Variants in JAKMIP2 observed in about 807,000 individuals in gnomAD.
JAKMIP2 encodes janus kinase and microtubule interacting protein 2, also known as janus kinase and microtubule-interacting protein 2.
In JAKMIP2, 25 loss-of-function variants were observed where a neutral mutation model predicts 115.0. The observed-to-expected ratio is 0.22, with a 90% CI of 0.16 to 0.30. JAKMIP2 has a LOEUF of 0.30. Ranked by LOEUF, JAKMIP2 falls within the 10% of genes least tolerant of loss-of-function variation. JAKMIP2 has a pLI of 1.00. For synonymous variants in JAKMIP2, 334 were observed against 343.6 expected, an observed-to-expected ratio of 0.97 and a Z score of 0.31; for missense variants, 642 against 957.6, an observed-to-expected ratio of 0.67 and a Z score of 4.35.
chr5:147,643,962 C>T, intron 7 of JAKMIP2, 96 bp downstream of exon 7: 1 of 1,019,098 alleles, frequency 9.8e-7, no homozygotes, highest in East Asian at 2.5e-5. Context: ...ACTTGGGCCT[C>T]TGGGGTTAAA....
chr5:147,716,827 T>A (rs1197653528), intron 1 of JAKMIP2, among the ~76,000 whole-genome samples: 6 of 146,592 alleles, frequency 4.1e-5, no homozygotes, highest in African/African-American at 1.3e-4. Flanking sequence ...TTTCTTTTGC[T>A]GTGCAGAAGC....
chr5:147,603,178 C>G (rs1483114743), intron 20 of JAKMIP2, among the ~76,000 whole-genome samples: 1 of 152,076 alleles, frequency 6.6e-6, no homozygotes, highest in Non-Finnish European at 1.5e-5. Context: ...AGTCAGACAC[C>G]CTGACCTCTG....
At position 147,751,829 on chromosome 5, in the gene JAKMIP2, T is replaced by C. The variant is rs546076389; in HGVS notation, c.-149+30627A>G. On this transcript the variant is annotated intron_variant, in intron 1 of 21. Transcript: ENST00000616793. ...GCCTGCCCTGATGGATGAGGTTCTGTAGGACTGCAGGCTTAAGTGGTGCTG... is the reference window on the plus strand; with the variant it reads ...GCCTGCCCTGATGGATGAGGTTCTGCAGGACTGCAGGCTTAAGTGGTGCTG... Among the ~76,000 whole-genome samples, 526 of 152,302 alleles carry C rather than the reference T, an allele frequency of 3.5e-3. 1 individual carries two copies. The highest frequency in any genetic ancestry group is 5.9e-3 in the Non-Finnish European group (399 of 68,026).
chr5:147,722,828 T>A (rs1256670040), intron 1 of JAKMIP2, among the ~76,000 whole-genome samples: 1 of 152,060 alleles, frequency 6.6e-6, no homozygotes, highest in African/African-American at 2.4e-5. Context: ...TTAAAAAAAT[T>A]AGAGATAGAA....
intron 1 of JAKMIP2, among the ~76,000 whole-genome samples, chr5:147,738,603 AC>A: frequency 6.6e-6 from 1 of 152,034 alleles, no homozygotes. Flanking sequence ...GACTGAAAAT[AC>A]CCTTTATACT....
intron 3 of JAKMIP2, among the ~76,000 whole-genome samples, chr5:147,659,050 C>T (rs1316521497): frequency 6.6e-6 from 1 of 150,744 alleles, no homozygotes; most frequent in African/African-American, 2.5e-5. Context: ...GGAGATTGGA[C>T]GGTGGTCCTG....
At chr5:147,679,515 T>C (rs1055643711) in intron 1 of JAKMIP2, among the ~76,000 whole-genome samples, 9 of 152,274 alleles carry the variant, frequency 5.9e-5, no homozygotes, top group South Asian at 2.1e-4. Flanking sequence ...GTAAATGCTA[T>C]GAATGTAGCT....
chr5:147,699,818 A>G (rs1408375805), intron 1 of JAKMIP2, among the ~76,000 whole-genome samples: 1 of 152,224 alleles, frequency 6.6e-6, no homozygotes, highest in Non-Finnish European at 1.5e-5. Flanking sequence ...AGGAGTTTGC[A>G]TAAAATTGGG....
intron 1 of JAKMIP2, among the ~76,000 whole-genome samples, chr5:147,736,176 C>T (rs181217733): frequency 8.9e-4 from 136 of 152,130 alleles, no homozygotes; most frequent in Non-Finnish European, 1.4e-3. Context: ...AATTTGGGGG[C>T]CGGGCACAGT....
intron 12 of JAKMIP2, among the ~76,000 whole-genome samples, chr5:147,635,511 ACTT>A (rs1343876353): frequency 3.9e-5 from 6 of 152,064 alleles, no homozygotes; most frequent in Non-Finnish European, 5.9e-5. Flanking sequence ...ATACTCTGTC[ACTT>A]CTTCTCACAA....
Position 147,759,943 on chromosome 5 carries a change from C to A in JAKMIP2, c.-149+22513G>T, listed in dbSNP as rs187188403. Among the ~76,000 whole-genome samples the A allele has an allele frequency of 9.8e-4, 148 of 151,746 alleles. 1 individual carries two copies. Among genetic ancestry groups the A allele is most frequent in the Non-Finnish European group, 4.6e-4 (31 of 67,896 alleles). On this transcript the variant is annotated intron_variant, in intron 1 of 21. Transcript: ENST00000616793. ...ATGGCAGCCCTACATGGGAAGGTGG[C>A]AATAGAGATGGAAAAGTAAACAGAT...
chr5:147,730,938 G>T lies in JAKMIP2; in HGVS notation c.-149+51518C>A, dbSNP rs1259001246. 2.6e-5 allele frequency among the ~76,000 whole-genome samples: 4 copies of T among 152,222 alleles called. No individual in the cohort carries two copies. In the South Asian group the frequency reaches 6.2e-4, roughly 24 times the overall value. ...AATCTCTCTCCCCCACTGCAAGACTGTCACAGTGGTCCCTATATTTATCAT... is the reference window on the plus strand; with the variant it reads ...AATCTCTCTCCCCCACTGCAAGACTTTCACAGTGGTCCCTATATTTATCAT... On this transcript the variant is annotated intron_variant, in intron 1 of 21. Transcript: ENST00000616793.
intron 18 of JAKMIP2, among the ~76,000 whole-genome samples, chr5:147,620,108 G>A (rs1756777628): frequency 6.6e-6 from 1 of 151,678 alleles, no homozygotes; most frequent in African/African-American, 2.4e-5. Context: ...GTTTTATTTT[G>A]TTTTGAGACA....
intron 1 of JAKMIP2, among the ~76,000 whole-genome samples, chr5:147,765,260 T>C (rs1755115376): frequency 6.6e-6 from 1 of 152,028 alleles, no homozygotes; most frequent in Non-Finnish European, 1.5e-5. Flanking sequence ...GGTCACACAC[T>C]TTCCAAAAAA....
At chr5:147,653,046 T>G (rs1758485811) in intron 3 of JAKMIP2, among the ~76,000 whole-genome samples, 1 of 152,200 alleles carries the variant, frequency 6.6e-6, no homozygotes, top group African/African-American at 2.4e-5. Context: ...CTCATTCTTT[T>G]TTTATGGCTG....
intron 17 of JAKMIP2, among the ~76,000 whole-genome samples, chr5:147,623,275 G>A (rs912793694): frequency 1.3e-5 from 2 of 149,300 alleles, no homozygotes; most frequent in Non-Finnish European, 3.0e-5. Flanking sequence ...AGGTGGCTTA[G>A]GGATTTTTAA....
intron 1 of JAKMIP2, among the ~76,000 whole-genome samples, chr5:147,719,345 C>T (rs1753157974): frequency 7.3e-6 from 1 of 136,688 alleles, no homozygotes. Flanking sequence ...GTGGAGAGTT[C>T]TGTAGATGTC....
intron 9 of JAKMIP2, 151 bp downstream of exon 9, chr5:147,640,553 A>G (rs890445457): frequency 7.1e-6 from 5 of 701,326 alleles, no homozygotes; most frequent in Non-Finnish European, 1.1e-5. Flanking sequence ...TTCAAGAGAT[A>G]ATAAAGTGCA....
intron 17 of JAKMIP2, among the ~76,000 whole-genome samples, chr5:147,621,179 A>G (rs999613649): frequency 2.6e-5 from 4 of 152,240 alleles, no homozygotes; most frequent in African/African-American, 9.6e-5. Context: ...AAGGACAAAA[A>G]TAGCAACTTA....
Sources: allele counts gnomAD v4.1 joint callset (sites outside exome capture counted in the v4.1 genomes callset), GRCh38; gene constraint gnomAD v4.1.1; transcripts MANE v1.5; gene names NCBI Gene and HGNC (gene_info 2026-07-23, HGNC 2026-07-21).